The following HIC2 variants were observed in gnomAD, a reference collection of about 807,000 sequenced individuals.
The protein encoded by HIC2 is hypermethylated in cancer 2 protein.
HIC2 carries 2 observed loss-of-function variants against 39.5 expected under a neutral mutation model. The ratio of observed to expected loss-of-function variants is 0.05; its 90% CI spans 0.02 to 0.16. HIC2 has a LOEUF of 0.16. HIC2 is among the 10% of genes least tolerant of loss of function. HIC2 has a pLI of 1.00. For missense variants in HIC2, 713 were observed against 863.5 expected, an observed-to-expected ratio of 0.83 and a Z score of 2.18; for synonymous variants, 399 against 368.8, an observed-to-expected ratio of 1.08 and a Z score of -0.94.
At position 21,445,665 on chromosome 22, in the gene HIC2, C is replaced by G; in HGVS notation, c.770C>G (p.Pro257Arg). 6.2e-7 allele frequency: 1 copy of G among 1,607,008 alleles called. No individual in the cohort carries two copies. Among genetic ancestry groups the G allele is most frequent in the Non-Finnish European group, 8.5e-7 (1 of 1,177,320 alleles). ...CTGTCCAAGAAAAGCCCACCCTTGC[C>G]CCCTGCCACCCCAGGTCCCCACCTC... The part of the protein sequence containing the change: ...LDLSKKSPPL[P>R]PATPGPHLTP... Residue 257 changes from proline (P) to arginine (R), a missense_variant, in exon 3 of 3, where the codon CCC becomes CGC. Pro to Arg is a moderately radical substitution (Grantham distance 103). Coordinates refer to ENST00000407464, the MANE Select transcript of HIC2 (RefSeq NM_015094.3).
Position 21,447,221 on chromosome 22 carries a change from C to T in HIC2, c.*478C>T, listed in dbSNP as rs1923903881. On this transcript the variant is annotated 3_prime_UTR_variant, in exon 3 of 3. Coordinates refer to ENST00000407464, the MANE Select transcript of HIC2 (RefSeq NM_015094.3). ...GGAACAGGTGCTGGGGGTGCAGATCCCTCCCTCCTTGAGCCAGGGTGGCAC... is the reference window on the plus strand; with the variant it reads ...GGAACAGGTGCTGGGGGTGCAGATCTCTCCCTCCTTGAGCCAGGGTGGCAC... 6.0e-6 allele frequency: 1 copy of T among 166,618 alleles called. No homozygotes were observed. The highest frequency in any genetic ancestry group is 1.6e-4 in the South Asian group (1 of 6,110). The allele number at this position is 166,618 out of a possible 1,614,324, so 10.3% of individuals were successfully genotyped here.
At chr22:21,443,955 C>T (rs915835312) in intron 2 of HIC2, among the ~76,000 whole-genome samples, 1 of 152,232 alleles carries the variant, frequency 6.6e-6, no homozygotes, top group African/African-American at 2.4e-5. Context: ...CACCCATTTG[C>T]CCTGCCCTTG....
intron 2 of HIC2, among the ~76,000 whole-genome samples, chr22:21,443,161 G>A (rs1175810103): frequency 5.9e-5 from 9 of 152,182 alleles, no homozygotes; most frequent in Admixed American, 3.3e-4. Context: ...GGGTTGAGGC[G>A]GGCAGGGAGT....
chr22:21,445,696 C>T lies in HIC2; in HGVS notation c.801C>T (p.Pro267=), dbSNP rs777857821. ...CCACCCCAGGTCCCCACCTCACTCC[C>T]GATGACGCAGCCCAGCTGAGCGACA... ...PPATPGPHLT[P]DDAAQLSDSQ... The change falls in exon 3 of 3, where the codon CCC becomes CCT. Residue 267 remains proline (P), a synonymous_variant. Coordinates refer to ENST00000407464, the MANE Select transcript of HIC2 (RefSeq NM_015094.3). 2.4e-5 allele frequency: 39 copies of T among 1,611,938 alleles called. No homozygotes were observed. Among genetic ancestry groups the T allele is most frequent in the Non-Finnish European group, 3.1e-5 (36 of 1,179,638 alleles).
At position 21,449,610 on chromosome 22, in the gene HIC2, T is replaced by TG. The variant is rs1464292951; in HGVS notation, c.*2868dup. 1 of 152,810 alleles carries TG rather than the reference T, an allele frequency of 6.5e-6. No individual in the cohort carries two copies. The highest frequency in any genetic ancestry group is 1.5e-5 in the Non-Finnish European group (1 of 68,040). 9.5% of individuals were successfully genotyped at this position (152,810 alleles called of 1,614,324 possible). On this transcript the variant is annotated 3_prime_UTR_variant, in exon 3 of 3. Transcript: ENST00000407464. The stretch of plus-strand genomic sequence containing the variant: ...AAGGCCAGTCCAGGGAACCCTCCCC[T>TG]GCTGCTGGAAACCCTTCTGAGTTGG...
rs1924148227 is a variant in HIC2, at chr22:21,450,876, T to G, written c.*4133T>G. ...CGGCTTCAGTCACCCCACTTTAACT[T>G]TCTACCAGGACCCCCTCCCCCTACC... is the stretch of plus-strand genomic sequence containing the variant. On this transcript the variant is annotated 3_prime_UTR_variant, in exon 3 of 3. Transcript: ENST00000407464. 6.5e-6 allele frequency: 1 copy of G among 152,736 alleles called. No homozygotes were observed. The highest frequency in any genetic ancestry group is 1.5e-5 in the Non-Finnish European group (1 of 68,060). 9.5% of individuals were successfully genotyped at this position (152,736 alleles called of 1,614,324 possible). A position where few individuals can be genotyped will look rare whatever the true frequency, so the allele number is the denominator to read the frequency against.
chr22:21,446,100 G>A lies in HIC2; in HGVS notation c.1205G>A (p.Gly402Asp). ...CCCTGCAAGGAGGAGGAGGAGAACG[G>A]CAAGGATGCAAGTGAAGACAGTGCG... ...PYPCKEEEEN[G>D]KDASEDSAQS... Residue 402 changes from glycine (G) to aspartate (D), a missense_variant, in exon 3 of 3, where the codon GGC (glycine) becomes GAC (aspartate). Gly to Asp is a moderately conservative substitution (Grantham distance 94). Coordinates refer to ENST00000407464, the MANE Select transcript of HIC2 (RefSeq NM_015094.3). 6.2e-7 allele frequency: 1 copy of A among 1,607,786 alleles called. No individual in the cohort carries two copies. Among genetic ancestry groups the A allele is most frequent in the Non-Finnish European group, 8.5e-7 (1 of 1,179,784 alleles).
Position 21,446,836 on chromosome 22 carries a change from TG to T in HIC2, c.*96del. The stretch of plus-strand genomic sequence containing the variant: ...TGATGCAGCAGCAGGGGCAAGACCC[TG>T]GGTCCAGTGGAGGCTCCGGGTGGCC... On this transcript the variant is annotated 3_prime_UTR_variant, in exon 3 of 3. Coordinates refer to ENST00000407464, the MANE Select transcript of HIC2 (RefSeq NM_015094.3). 1 of 1,481,948 alleles carries T rather than the reference TG, an allele frequency of 6.7e-7. No individual in the cohort carries two copies. Among genetic ancestry groups the T allele is most frequent in the Non-Finnish European group, 8.9e-7 (1 of 1,117,888 alleles). 91.8% of individuals were successfully genotyped at this position (1,481,948 alleles called of 1,614,324 possible). A position where few individuals can be genotyped will look rare whatever the true frequency, so the allele number is the denominator to read the frequency against.
At chr22:21,421,866 G>A (rs1256660741) in intron 1 of HIC2, among the ~76,000 whole-genome samples, 1 of 41,604 alleles carries the variant, frequency 2.4e-5, no homozygotes, top group East Asian at 5.6e-4. Flanking sequence ...GTGAGAGTTG[G>A]CCTGCTGTGG....
chr22:21,445,949 C>G lies in HIC2; in HGVS notation c.1054C>G (p.Arg352Gly). Residue 352 changes from arginine to glycine, a missense_variant, in exon 3 of 3, where the codon CGG becomes GGG. Arg to Gly is a moderately radical substitution (Grantham distance 125, BLOSUM62 -2). Transcript: ENST00000407464. Reference protein sequence around the residue: ...KEPVAGSPFERREAGPKGPCP... With the variant: ...KEPVAGSPFEGREAGPKGPCP... ...GCCTGTGGCTGGCTCCCCCTTTGAG[C>G]GGAGAGAAGCAGGGCCCAAGGGTCC... The G allele has an allele frequency of 6.4e-7, 1 of 1,569,292 alleles. No homozygotes were observed. Among genetic ancestry groups the G allele is most frequent in the Non-Finnish European group, 8.6e-7 (1 of 1,161,108 alleles).
intron 1 of HIC2, among the ~76,000 whole-genome samples, chr22:21,441,347 CCTTGGGCTTGT>C (rs1182488795): frequency 2.6e-5 from 4 of 152,186 alleles, no homozygotes; most frequent in Admixed American, 1.3e-4. Context: ...CTAGTGCTAG[CCTTGGGCTTGT>C]AAAGTGCCCG....
chr22:21,446,233 C>T lies in HIC2; in HGVS notation c.1338C>T (p.Pro446=), dbSNP rs1923828137. The T allele has an allele frequency of 1.2e-6, 2 of 1,612,748 alleles. No individual in the cohort carries two copies. Among genetic ancestry groups the T allele is most frequent in the Non-Finnish European group, 1.7e-6 (2 of 1,180,026 alleles). ...SYGDNLYVCI[P]CAKGFPSSEQ... is the part of the protein sequence containing the mutation. ...GGGACAACTTGTATGTGTGCATTCC[C>T]TGCGCCAAGGGCTTCCCCAGCTCTG... is the stretch of plus-strand genomic sequence containing the variant. The change falls in exon 3 of 3, where the codon CCC becomes CCT. Residue 446 remains proline (P), a synonymous_variant. Coordinates refer to ENST00000407464, the MANE Select transcript of HIC2 (RefSeq NM_015094.3).
In HIC2 at chr22:21,449,811, G is replaced by T. The variant is rs915004369; in HGVS notation, c.*3068G>T. ...CCCCAAGGCCCTCTGGCCGGACCATGCTGGTCCTGACCAGCTAGCCTACGC... is the reference window on the plus strand; with the variant it reads ...CCCCAAGGCCCTCTGGCCGGACCATTCTGGTCCTGACCAGCTAGCCTACGC... On this transcript the variant is annotated 3_prime_UTR_variant, in exon 3 of 3. Coordinates refer to ENST00000407464, the MANE Select transcript of HIC2 (RefSeq NM_015094.3). The T allele has an allele frequency of 3.9e-5, 6 of 152,758 alleles. No individual in the cohort carries two copies. The highest frequency in any genetic ancestry group is 1.4e-4 in the African/African-American group (6 of 41,480). The allele number at this position is 152,758 out of a possible 1,614,324, so 9.5% of individuals were successfully genotyped here. A position where few individuals can be genotyped will look rare whatever the true frequency, so the allele number is the denominator to read the frequency against.
In HIC2 at chr22:21,446,524, G is replaced by T. The variant is rs41282575; in HGVS notation, c.1629G>T (p.Thr543=). The change falls in exon 3 of 3, where the codon ACG becomes ACT. Residue 543 remains threonine, a synonymous_variant. Coordinates refer to ENST00000407464, the MANE Select transcript of HIC2 (RefSeq NM_015094.3). ...GCAACATCTGTGGCAAAATGTTCAC[G>T]CAGCGCGGCACCATGACGCGTCACA... ...FPCNICGKMF[T]QRGTMTRHMR... is the part of the protein sequence containing the mutation. 6.2e-7 allele frequency: 1 copy of T among 1,612,826 alleles called. No individual in the cohort carries two copies. The highest frequency in any genetic ancestry group is 8.5e-7 in the Non-Finnish European group (1 of 1,180,020).
Position 21,446,272 on chromosome 22 carries a change from G to A in HIC2, c.1377G>A (p.Ala459=), listed in dbSNP as rs186712907. 85 of 1,613,202 alleles carry A rather than the reference G, an allele frequency of 5.3e-5. 1 individual carries two copies. Among genetic ancestry groups the A allele is most frequent in the South Asian group, 3.8e-4 (35 of 91,092 alleles). ...TCCCCAGCTCTGAGCAGCTCAATGC[G>A]CACGTGGAGACTCACACGGAGGAAG... is the stretch of plus-strand genomic sequence containing the variant. ...KGFPSSEQLN[A]HVETHTEEEL... The change falls in exon 3 of 3, where the codon GCG becomes GCA. Residue 459 remains alanine, a synonymous_variant. Transcript: ENST00000407464.
chr22:21,448,511 C>T lies in HIC2; in HGVS notation c.*1768C>T, dbSNP rs41282583. The T allele has an allele frequency of 5.6e-3, 851 of 152,852 alleles. 10 individuals are homozygous for T. The highest frequency in any genetic ancestry group is 6.4e-3 in the Non-Finnish European group (438 of 68,038). The allele number at this position is 152,852 out of a possible 1,614,324, so 9.5% of individuals were successfully genotyped here. The stretch of plus-strand genomic sequence containing the variant: ...TGAAGCTGTGGGGCTGGGCTGGCAG[C>T]CTTTATTGTCATCTTGCTTCACCAT... On this transcript the variant is annotated 3_prime_UTR_variant, in exon 3 of 3. Coordinates refer to ENST00000407464, the MANE Select transcript of HIC2 (RefSeq NM_015094.3).
rs1924192452 is a variant in HIC2, at chr22:21,451,439, T to C, written c.*4696T>C. The C allele has an allele frequency of 6.5e-6, 1 of 152,812 alleles. No homozygotes were observed. Among genetic ancestry groups the C allele is most frequent in the African/African-American group, 2.4e-5 (1 of 41,462 alleles). 9.5% of individuals were successfully genotyped at this position (152,812 alleles called of 1,614,324 possible). ...GATAAGAAACTGTTATTTTATGATC[T>C]TTTCATTAAAAGCTTGATTGAAAAC... On this transcript the variant is annotated 3_prime_UTR_variant, in exon 3 of 3. Coordinates refer to ENST00000407464, the MANE Select transcript of HIC2 (RefSeq NM_015094.3).
rs929379312 is a variant in HIC2, at chr22:21,451,071, C to T, written c.*4328C>T. Reference sequence around the variant, plus strand: ...CACCCATCACTAGCTTCCCTCTGCCCTCTCCCACCCCGGGGGGGACCCAGG... The same window carrying T: ...CACCCATCACTAGCTTCCCTCTGCCTTCTCCCACCCCGGGGGGGACCCAGG... On this transcript the variant is annotated 3_prime_UTR_variant, in exon 3 of 3. Transcript: ENST00000407464. 3.3e-5 allele frequency: 5 copies of T among 152,682 alleles called. No homozygotes were observed. The highest frequency in any genetic ancestry group is 9.7e-5 in the African/African-American group (4 of 41,406). The allele number at this position is 152,682 out of a possible 1,614,324, so 9.5% of individuals were successfully genotyped here. A position where few individuals can be genotyped will look rare whatever the true frequency, so the allele number is the denominator to read the frequency against.
chr22:21,444,487 C>T (rs553641720), intron 2 of HIC2, among the ~76,000 whole-genome samples: 3 of 152,340 alleles, frequency 2.0e-5, no homozygotes, highest in East Asian at 3.9e-4. Context: ...TGCCAGCTTT[C>T]AAGACAAGCT....
Sources: gnomAD v4.1 joint callset for allele counts (sites outside exome capture counted in the v4.1 genomes callset) on GRCh38, gnomAD v4.1.1 for gene constraint, MANE v1.5 for transcripts, NCBI Gene and HGNC (gene_info 2026-07-23, HGNC 2026-07-21) for gene names.